Variants in MSI2 observed in about 807,000 individuals in gnomAD.
MSI2 encodes RNA-binding protein Musashi homolog 2.
MSI2 carries 17 observed loss-of-function variants against 45.6 expected under a neutral mutation model. The ratio of observed to expected loss-of-function variants is 0.37; its 90% CI spans 0.26 to 0.56. MSI2 has a LOEUF of 0.56. Ranked by LOEUF, MSI2 falls within the 20% of genes least tolerant of loss-of-function variation. The probability of loss-of-function intolerance (pLI) is 0.77; values close to 1 mark genes in which losing one functional copy is unlikely to be tolerated. For synonymous variants in MSI2, 156 were observed against 158.2 expected (o/e 0.99, Z 0.11); for missense variants, 293 against 444.2 (o/e 0.66, Z 3.06).
At chr17:57,615,124 ATTTTT>A (rs35618682) in intron 8 of MSI2, among the ~76,000 whole-genome samples, 1 of 132,630 alleles carries the variant, frequency 7.5e-6, no homozygotes, top group East Asian at 2.2e-4. Flanking sequence ...TTGCACAAGA[ATTTTT>A]TTTTTTTTTT....
At chr17:57,614,159 T>C (rs1258048433) in intron 8 of MSI2, among the ~76,000 whole-genome samples, 1 of 152,166 alleles carries the variant, frequency 6.6e-6, no homozygotes, top group Non-Finnish European at 1.5e-5. Flanking sequence ...CAAGCGATTC[T>C]TCTGCCTTAG....
At chr17:57,379,884 A>G (rs1357318492) in intron 5 of MSI2, among the ~76,000 whole-genome samples, 1 of 151,328 alleles carries the variant, frequency 6.6e-6, no homozygotes, top group Admixed American at 6.6e-5. Context: ...ACCCCTCCCA[A>G]CTTCTCTTTG....
At chr17:57,555,470 C>G (rs554084404) in intron 7 of MSI2, among the ~76,000 whole-genome samples, 1 of 152,162 alleles carries the variant, frequency 6.6e-6, no homozygotes, top group African/African-American at 2.4e-5. Context: ...GTTCCCTGCT[C>G]AGCGCAGCAG....
chr17:57,347,313 G>A (rs1915689455), intron 5 of MSI2, among the ~76,000 whole-genome samples: 1 of 152,162 alleles, frequency 6.6e-6, no homozygotes, highest in Middle Eastern at 3.2e-3. Flanking sequence ...ATCTTATCAA[G>A]ATTTGAATTA....
intron 6 of MSI2, among the ~76,000 whole-genome samples, chr17:57,431,882 A>AC (rs1300509170): frequency 3.3e-5 from 5 of 152,122 alleles, no homozygotes; most frequent in Non-Finnish European, 7.3e-5. Flanking sequence ...GGTTCTGTAG[A>AC]CAGAACACCC....
intron 5 of MSI2, among the ~76,000 whole-genome samples, chr17:57,273,974 C>T (rs1908633228): frequency 6.6e-6 from 1 of 152,220 alleles, no homozygotes; most frequent in Admixed American, 6.5e-5. Context: ...CATCCTCAAA[C>T]ATCTACCCCA....
chr17:57,617,908 T>G (rs1052284952), intron 9 of MSI2, among the ~76,000 whole-genome samples: 2 of 151,944 alleles, frequency 1.3e-5, no homozygotes, highest in African/African-American at 4.8e-5. Flanking sequence ...CTGTCTCTAC[T>G]AAAAATACAG....
chr17:57,311,484 T>C (rs1567750377), intron 5 of MSI2, among the ~76,000 whole-genome samples: 1 of 151,968 alleles, frequency 6.6e-6, no homozygotes, highest in Non-Finnish European at 1.5e-5. Flanking sequence ...ATGCTGGGAG[T>C]TGGTGCTGTT....
intron 6 of MSI2, among the ~76,000 whole-genome samples, chr17:57,480,863 G>A (rs2085635025): frequency 6.6e-6 from 1 of 152,188 alleles, no homozygotes; most frequent in South Asian, 2.1e-4. Flanking sequence ...TGACAAGAAG[G>A]TGACTTTAGC....
rs191711119 is a variant in MSI2 at position 57,269,217 on chromosome 17, G to A, written c.312+7025G>A. 1.5e-3 allele frequency among the ~76,000 whole-genome samples: 235 copies of A among 152,318 alleles called. 2 individuals are homozygous for A. Among genetic ancestry groups the A allele is most frequent in the African/African-American group, 5.5e-3 (230 of 41,570 alleles). On this transcript the variant is annotated intron_variant, in intron 5 of 13. Coordinates refer to ENST00000284073, the MANE Select transcript of MSI2 (RefSeq NM_138962.4). The stretch of plus-strand genomic sequence containing the variant: ...GGTGTTGCAAAGGGTATGTGCTGCA[G>A]AGTGGCCTGGCATGAGGCTTGCAAA...
chr17:57,600,451 C>A (rs1042901946), intron 8 of MSI2, among the ~76,000 whole-genome samples: 3 of 152,164 alleles, frequency 2.0e-5, no homozygotes, highest in Admixed American at 6.5e-5. Flanking sequence ...ACTTAGGAGA[C>A]CCTGTATAAA....
At chr17:57,517,274 A>G (rs1256677692) in intron 6 of MSI2, among the ~76,000 whole-genome samples, 1 of 152,126 alleles carries the variant, frequency 6.6e-6, no homozygotes, top group African/African-American at 2.4e-5. Context: ...CCCAAAGGGG[A>G]AGGAGCAGGA....
intron 13 of MSI2, among the ~76,000 whole-genome samples, chr17:57,679,079 T>A (rs1406771660): frequency 6.6e-6 from 1 of 152,258 alleles, no homozygotes. Context: ...TAGTGTAAGT[T>A]TGCATTTAAA....
chr17:57,475,080 A>G (rs936834132), intron 6 of MSI2, among the ~76,000 whole-genome samples: 24 of 152,246 alleles, frequency 1.6e-4, no homozygotes, highest in Admixed American at 6.5e-4. Flanking sequence ...TGCTTGATCC[A>G]GTGTTGCCAA....
the MSI2 span, among the ~76,000 whole-genome samples, chr17:57,697,775 C>G: frequency 6.6e-6 from 1 of 152,150 alleles, no homozygotes; most frequent in Non-Finnish European, 1.5e-5. Flanking sequence ...GAGACTTATT[C>G]ACTACCATGA....
intron 7 of MSI2, among the ~76,000 whole-genome samples, chr17:57,562,996 G>T (rs898354902): frequency 1.3e-5 from 2 of 150,796 alleles, no homozygotes; most frequent in Non-Finnish European, 2.9e-5. Flanking sequence ...TACTCAGGAG[G>T]CTGAGACAGG....
intron 6 of MSI2, among the ~76,000 whole-genome samples, chr17:57,527,235 A>G (rs2086720234): frequency 6.9e-6 from 1 of 144,426 alleles, no homozygotes; most frequent in Admixed American, 7.2e-5. Context: ...TGTCACATTT[A>G]CCTGCGTGAT....
At chr17:57,473,986 T>C (rs961506117) in intron 6 of MSI2, among the ~76,000 whole-genome samples, 1 of 152,188 alleles carries the variant, frequency 6.6e-6, no homozygotes, top group Non-Finnish European at 1.5e-5. Flanking sequence ...TTCGGTTTTG[T>C]TTTTCCTTCT....
intron 5 of MSI2, among the ~76,000 whole-genome samples, chr17:57,401,134 T>A (rs1272474887): frequency 6.6e-6 from 1 of 152,216 alleles, no homozygotes; most frequent in African/African-American, 2.4e-5. Flanking sequence ...TTGTGGCTAA[T>A]GAGGTTCTGA....
Sources: gnomAD v4.1 joint callset for allele counts (sites outside exome capture counted in the v4.1 genomes callset) on GRCh38, gnomAD v4.1.1 for gene constraint, MANE v1.5 for transcripts, NCBI Gene and HGNC (gene_info 2026-07-23, HGNC 2026-07-21) for gene names.